Variants in NUCKS1 observed in about 807,000 individuals in gnomAD.
NUCKS1 encodes the protein nuclear ubiquitous casein and cyclin-dependent kinase substrate 1.
Under a neutral mutation model 33.0 loss-of-function variants are expected in NUCKS1, and 2 were observed. That is an observed-to-expected ratio of 0.06 (90% CI 0.02 to 0.19). The LOEUF (loss-of-function observed/expected upper bound fraction) is 0.19. Among genes scored for constraint, NUCKS1 ranks in the 10% least tolerant of loss-of-function variants. NUCKS1 has a pLI of 1.00. For synonymous variants in NUCKS1, 106 were observed against 102.8 expected (o/e 1.03, Z -0.19); for missense variants, 201 against 293.6 (o/e 0.68, Z 2.31).
chr1:205,728,745 A>G (rs1335928432), intron 2 of NUCKS1, among the ~76,000 whole-genome samples: 1 of 152,206 alleles, frequency 6.6e-6, no homozygotes, highest in East Asian at 1.9e-4. Context: ...TAAGGAGACA[A>G]CTCTGAAAAA....
intron 4 of NUCKS1, among the ~76,000 whole-genome samples, chr1:205,721,806 C>A (rs1419179006): frequency 6.6e-6 from 1 of 151,882 alleles, no homozygotes; most frequent in Non-Finnish European, 1.5e-5. Flanking sequence ...TCCCGAGTAG[C>A]TGGGATTACA....
chr1:205,721,110 C>T (rs1164543345), intron 4 of NUCKS1, among the ~76,000 whole-genome samples: 3 of 97,804 alleles, frequency 3.1e-5, no homozygotes, highest in Non-Finnish European at 4.1e-5. Context: ...GGGCCTGTGG[C>T]GAGGGAGGGG....
chr1:205,721,276 T>TTA (rs1004204635), intron 4 of NUCKS1, among the ~76,000 whole-genome samples: 1 of 127,186 alleles, frequency 7.9e-6, no homozygotes, highest in Non-Finnish European at 1.7e-5. Context: ...TCCCACAACA[T>TTA]AAAAAAAAAA....
chr1:205,749,095 G>A (rs1209209219), intron 1 of NUCKS1, among the ~76,000 whole-genome samples: 1 of 152,170 alleles, frequency 6.6e-6, no homozygotes, highest in Non-Finnish European at 1.5e-5. Context: ...GGGACAAGAG[G>A]GTTACAAAAA....
intron 1 of NUCKS1, among the ~76,000 whole-genome samples, chr1:205,742,619 T>C (rs916292251): frequency 1.1e-4 from 17 of 152,274 alleles, no homozygotes; most frequent in African/African-American, 3.9e-4. Flanking sequence ...GGTCAGGGGA[T>C]CGAGACCATC....
intron 1 of NUCKS1, among the ~76,000 whole-genome samples, chr1:205,734,932 C>T (rs767600913): frequency 2.0e-5 from 3 of 152,024 alleles, no homozygotes; most frequent in Non-Finnish European, 4.4e-5. Flanking sequence ...CAAACAATGT[C>T]CTGCCTCCTA....
intron 5 of NUCKS1, among the ~76,000 whole-genome samples, chr1:205,720,138 T>C (rs1671895141): frequency 6.6e-6 from 1 of 152,158 alleles, no homozygotes; most frequent in African/African-American, 2.4e-5. Flanking sequence ...ACCTAAATTT[T>C]ATTATTAACA....
Position 205,749,988 on chromosome 1 carries a change from CAG to C in NUCKS1, c.-17_-16del. On this transcript the variant is annotated 5_prime_UTR_variant, in exon 1 of 7. Coordinates refer to ENST00000367142, the MANE Select transcript of NUCKS1 (RefSeq NM_022731.5). ...GGCCGCGACATGTTCGCTGTCGAAA[CAG>C]GACCGAGTCGAGAAGCCAAAGACCA... 6.2e-7 allele frequency: 1 copy of C among 1,600,514 alleles called. No homozygotes were observed. The highest frequency in any genetic ancestry group is 8.5e-7 in the Non-Finnish European group (1 of 1,172,270).
intron 1 of NUCKS1, among the ~76,000 whole-genome samples, chr1:205,739,795 C>T (rs1024902606): frequency 2.0e-5 from 3 of 151,976 alleles, no homozygotes; most frequent in African/African-American, 7.3e-5. Context: ...CTCCCTATTG[C>T]TCAGGCTGGT....
chr1:205,749,818 G>C lies in NUCKS1; in HGVS notation c.17+139C>G, dbSNP rs987599161. ...CGCCAGCAGGGCCCCCCACGCTCAA[G>C]GGTGCGCGCGGGCCCCGAAAGGGAG... On this transcript the variant is annotated intron_variant, in intron 1 of 6. Transcript: ENST00000367142. 12 of 887,722 alleles carry C rather than the reference G, an allele frequency of 1.4e-5. No homozygotes were observed. In the African/African-American group the frequency reaches 2.0e-4, roughly 14 times the overall value. The allele number at this position is 887,722 out of a possible 1,614,324, so 55.0% of individuals were successfully genotyped here. A position where few individuals can be genotyped will look rare whatever the true frequency, so the allele number is the denominator to read the frequency against.
At chr1:205,733,891 A>C (rs1307056151) in intron 1 of NUCKS1, among the ~76,000 whole-genome samples, 2 of 151,932 alleles carry the variant, frequency 1.3e-5, no homozygotes, top group Non-Finnish European at 2.9e-5. Flanking sequence ...TCCATCCAAC[A>C]ATTGAGACAG....
rs1189951776 is a variant in NUCKS1 at position 205,735,530 on chromosome 1, T to A, written c.18-5909A>T. Among the ~76,000 whole-genome samples the A allele has an allele frequency of 2.6e-5, 4 of 152,314 alleles. No individual in the cohort carries two copies. In the East Asian group the frequency reaches 7.7e-4, roughly 29 times the overall value. ...CAATAACTAGAACTGGAGGACAGCA[T>A]AAAATTTCAATATAGCAGAGAGGTT... On this transcript the variant is annotated intron_variant, in intron 1 of 6. Coordinates refer to ENST00000367142, the MANE Select transcript of NUCKS1 (RefSeq NM_022731.5).
chr1:205,743,188 AAAAC>A (rs1323757100), intron 1 of NUCKS1, among the ~76,000 whole-genome samples: 1 of 152,228 alleles, frequency 6.6e-6, no homozygotes, highest in Non-Finnish European at 1.5e-5. Context: ...ACAGGCCAAA[AAAAC>A]CCCAAAAACC....
At position 205,750,058 on chromosome 1, in the gene NUCKS1, A is replaced by G. The variant is rs769986390; in HGVS notation, c.-85T>C. The G allele has an allele frequency of 3.2e-6, 3 of 932,418 alleles. No individual in the cohort carries two copies. The highest frequency in any genetic ancestry group is 1.2e-4 in the East Asian group (1 of 8,678). The allele number at this position is 932,418 out of a possible 1,614,324, so 57.8% of individuals were successfully genotyped here. Reference sequence around the variant, plus strand: ...CGCGCTCGGCGCCCCACCCCCCCCGAACTTCAGCCGATGGGACCGCTGCTG... The same window carrying G: ...CGCGCTCGGCGCCCCACCCCCCCCGGACTTCAGCCGATGGGACCGCTGCTG... On this transcript the variant is annotated 5_prime_UTR_variant, in exon 1 of 7. Transcript: ENST00000367142.
intron 1 of NUCKS1, among the ~76,000 whole-genome samples, chr1:205,737,627 T>A (rs181494925): frequency 6.6e-6 from 1 of 152,348 alleles, no homozygotes; most frequent in East Asian, 1.9e-4. Flanking sequence ...AAATAAAACC[T>A]CGGTATTTTC....
At position 205,717,408 on chromosome 1, in the gene NUCKS1, T is replaced by TCC; in HGVS notation, c.*871_*872insGG. 1 of 981,734 alleles carries TCC rather than the reference T, an allele frequency of 1.0e-6. No homozygotes were observed. The highest frequency in any genetic ancestry group is 1.2e-6 in the Non-Finnish European group (1 of 825,272). The allele number at this position is 981,734 out of a possible 1,614,324, so 60.8% of individuals were successfully genotyped here. ...TTAAATTCTAGGGTTTTTTTTTTTT[T>TCC]GGATTCTTGGTAAAATTTTATCCAA... On this transcript the variant is annotated 3_prime_UTR_variant, in exon 7 of 7. Transcript: ENST00000367142.
intron 1 of NUCKS1, among the ~76,000 whole-genome samples, chr1:205,741,136 TA>T (rs962463027): frequency 6.6e-6 from 1 of 150,618 alleles, no homozygotes; most frequent in Non-Finnish European, 1.5e-5. Flanking sequence ...CCGTCTCTAC[TA>T]AAAATACAAA....
intron 1 of NUCKS1, among the ~76,000 whole-genome samples, chr1:205,746,353 C>A (rs1443216076): frequency 6.6e-6 from 1 of 151,924 alleles, no homozygotes; most frequent in East Asian, 1.9e-4. Context: ...TCTTTGATGG[C>A]ATGTCTTTGA....
At chr1:205,719,878 G>A (rs1474718254) in intron 5 of NUCKS1, among the ~76,000 whole-genome samples, 1 of 152,198 alleles carries the variant, frequency 6.6e-6, no homozygotes, top group African/African-American at 2.4e-5. Context: ...CCTTACATGA[G>A]AGAGTTACAT....
Sources: gnomAD v4.1 joint callset for allele counts (sites outside exome capture counted in the v4.1 genomes callset) on GRCh38, gnomAD v4.1.1 for gene constraint, MANE v1.5 for transcripts, NCBI Gene and HGNC (gene_info 2026-07-23, HGNC 2026-07-21) for gene names.